Variants in KLB observed in about 807,000 individuals in gnomAD.
The protein encoded by KLB is klotho beta.
Under a neutral mutation model 88.4 loss-of-function variants are expected in KLB, and 44 were observed. The ratio of observed to expected loss-of-function variants is 0.50; its 90% CI spans 0.39 to 0.64. The LOEUF is 0.64. KLB is among the 30% of genes least tolerant of loss of function. The probability of loss-of-function intolerance (pLI) is 0.00; values close to 1 mark genes in which losing one functional copy is unlikely to be tolerated. For synonymous variants in KLB, 548 were observed against 513.4 expected (o/e 1.07, Z -0.91); for missense variants, 1,137 against 1,304.8 (o/e 0.87, Z 1.98).
intron 4 of KLB, among the ~76,000 whole-genome samples, chr4:39,447,791 A>T (rs1395607089): frequency 1.3e-5 from 2 of 152,238 alleles, no homozygotes; most frequent in African/African-American, 4.8e-5. Context: ...AGGCTTTAAA[A>T]AAATGGTTGT....
chr4:39,411,678 C>A (rs1742853193), intron 1 of KLB, among the ~76,000 whole-genome samples: 1 of 151,844 alleles, frequency 6.6e-6, no homozygotes, highest in African/African-American at 2.4e-5. Flanking sequence ...AGCCACTGCT[C>A]CTGGCCCTGG....
chr4:39,439,641 G>A (rs989772032), intron 3 of KLB, among the ~76,000 whole-genome samples: 3 of 149,284 alleles, frequency 2.0e-5, no homozygotes, highest in East Asian at 2.0e-4. Flanking sequence ...ACAGGCACCC[G>A]CCACCATGCC....
At chr4:39,432,760 A>G (rs996435773) in intron 1 of KLB, among the ~76,000 whole-genome samples, 3 of 152,268 alleles carry the variant, frequency 2.0e-5, no homozygotes, top group African/African-American at 7.2e-5. Flanking sequence ...TGGAAATGCA[A>G]ACTCCAGGAG....
chr4:39,448,266 A>G (rs372318615), intron 4 of KLB, 35 bp from the exon 5 acceptor site: 25 of 1,473,476 alleles, frequency 1.7e-5, no homozygotes, highest in South Asian at 5.4e-5. Flanking sequence ...TTCATAGTCC[A>G]TTTGTGATTA....
At chr4:39,424,943 T>C (rs145328064) in intron 1 of KLB, among the ~76,000 whole-genome samples, 19 of 152,304 alleles carry the variant, frequency 1.2e-4, no homozygotes, top group East Asian at 5.8e-4. Flanking sequence ...TGGTGGTTTA[T>C]ATGTTGACTA....
At position 39,450,808 on chromosome 4, in the gene KLB, C is replaced by A. The variant is rs1743875517; in HGVS notation, c.*2122C>A. 6.9e-6 allele frequency: 1 copy of A among 145,374 alleles called. No homozygotes were observed. The highest frequency in any genetic ancestry group is 2.2e-4 in the South Asian group (1 of 4,606). The allele number at this position is 145,374 out of a possible 1,614,324, so 9.0% of individuals were successfully genotyped here. A position where few individuals can be genotyped will look rare whatever the true frequency, so the allele number is the denominator to read the frequency against. ...TGACCCAAGAACTCCAGGGAAAATT[C>A]TTTAATGTCAACTGGGCAACTCATT... On this transcript the variant is annotated 3_prime_UTR_variant, in exon 5 of 5. Coordinates refer to ENST00000257408, the MANE Select transcript of KLB (RefSeq NM_175737.4).
intron 1 of KLB, among the ~76,000 whole-genome samples, chr4:39,431,917 A>G (rs1440293330): frequency 6.6e-6 from 1 of 152,236 alleles, no homozygotes; most frequent in Non-Finnish European, 1.5e-5. Context: ...TGAGCAAAAG[A>G]AAAGCTAAGG....
Position 39,451,343 on chromosome 4 carries a change from A to G in KLB, c.*2657A>G, listed in dbSNP as rs1160551458. On this transcript the variant is annotated 3_prime_UTR_variant, in exon 5 of 5. Coordinates refer to ENST00000257408, the MANE Select transcript of KLB (RefSeq NM_175737.4). Reference sequence around the variant, plus strand: ...CAAACAGGTAAGATCTTTGGAGTTTAAGCTTTTCTGAGATGTGTTGTGAAA... The same window carrying G: ...CAAACAGGTAAGATCTTTGGAGTTTGAGCTTTTCTGAGATGTGTTGTGAAA... The G allele has an allele frequency of 6.6e-6, 1 of 152,242 alleles. No individual in the cohort carries two copies. Among genetic ancestry groups the G allele is most frequent in the Non-Finnish European group, 1.5e-5 (1 of 68,032 alleles). 9.4% of individuals were successfully genotyped at this position (152,242 alleles called of 1,614,324 possible). A position where few individuals can be genotyped will look rare whatever the true frequency, so the allele number is the denominator to read the frequency against.
At chr4:39,409,856 A>G (rs936667292) in intron 1 of KLB, among the ~76,000 whole-genome samples, 1 of 152,026 alleles carries the variant, frequency 6.6e-6, no homozygotes, top group African/African-American at 2.4e-5. Flanking sequence ...CCCGGGAGGC[A>G]GAGGTTACAG....
rs756664741 is a variant in KLB at position 39,448,467 on chromosome 4, T to C, written c.2916T>C (p.Ser972=). Reference sequence around the variant, plus strand: ...GCAGGGGCTTCCCTTTTGAGAACAGTAGTTCTAGATGCAGTCAGACCCAAG... The same window carrying C: ...GCAGGGGCTTCCCTTTTGAGAACAGCAGTTCTAGATGCAGTCAGACCCAAG... ...ISSRGFPFEN[S]SSRCSQTQEN... The change falls in exon 5 of 5, where the codon AGT becomes AGC. Residue 972 remains serine (S), a synonymous_variant. Coordinates refer to ENST00000257408, the MANE Select transcript of KLB (RefSeq NM_175737.4). 1.4e-5 allele frequency: 23 copies of C among 1,613,792 alleles called. No homozygotes were observed. The highest frequency in any genetic ancestry group is 1.1e-5 in the Non-Finnish European group (13 of 1,179,786).
chr4:39,419,108 G>A (rs546180370), intron 1 of KLB, among the ~76,000 whole-genome samples: 3 of 151,772 alleles, frequency 2.0e-5, no homozygotes, highest in South Asian at 2.1e-4. Flanking sequence ...TATAAGAATC[G>A]TGTAAAAAAA....
chr4:39,410,757 CTG>C (rs1299402975), intron 1 of KLB, among the ~76,000 whole-genome samples: 3 of 152,146 alleles, frequency 2.0e-5, no homozygotes, highest in Admixed American at 2.0e-4. Context: ...TAATATAAAA[CTG>C]AATTCTGGGG....
At position 39,446,727 on chromosome 4, in the gene KLB, C is replaced by G. The variant is rs1348453088; in HGVS notation, c.2001C>G (p.Ala667=). ...ACGGGTGGCTGAACCCATCGACGGC[C>G]GAGGCCTTCCAGGCCTACGCTGGGC... ...HADGWLNPST[A]EAFQAYAGLC... Residue 667 remains alanine (A), a synonymous_variant, in exon 4 of 5, where the codon GCC becomes GCG. Coordinates refer to ENST00000257408, the MANE Select transcript of KLB (RefSeq NM_175737.4). The surrounding 1 kb of genome is among the most constrained non-coding windows in gnomAD (Gnocchi z 6.4). 6.2e-7 allele frequency: 1 copy of G among 1,605,676 alleles called. No homozygotes were observed. The highest frequency in any genetic ancestry group is 1.3e-5 in the African/African-American group (1 of 74,830).
chr4:39,419,089 A>G (rs997643433), intron 1 of KLB, among the ~76,000 whole-genome samples: 7 of 152,084 alleles, frequency 4.6e-5, no homozygotes, highest in Admixed American at 2.6e-4. Context: ...CCAGAATACC[A>G]CTGTTAGTTA....
chr4:39,439,914 C>T (rs1439107271), intron 3 of KLB, among the ~76,000 whole-genome samples: 1 of 152,038 alleles, frequency 6.6e-6, no homozygotes, highest in Non-Finnish European at 1.5e-5. Context: ...GTTATCCACC[C>T]ACCCCGGCCT....
rs77052072 is a variant in KLB, at chr4:39,423,252, G to A, written c.826-10958G>A. 9.8e-3 allele frequency among the ~76,000 whole-genome samples: 1,449 copies of A among 148,450 alleles called. 16 individuals are homozygous for A. Among genetic ancestry groups the A allele is most frequent in the Non-Finnish European group, 0.012 (825 of 67,110 alleles). On this transcript the variant is annotated intron_variant, in intron 1 of 4. Transcript: ENST00000257408. ...ACATATAAATGTTACACATAGAAGC[G>A]CTGTGCTAGGCACTTGGACAACTAA...
At chr4:39,439,490 G>C (rs1743549394) in intron 3 of KLB, among the ~76,000 whole-genome samples, 1 of 151,884 alleles carries the variant, frequency 6.6e-6, no homozygotes, top group Non-Finnish European at 1.5e-5. Context: ...TTTTGAGACA[G>C]AGTCTCGCTC....
intron 1 of KLB, among the ~76,000 whole-genome samples, chr4:39,428,428 C>CAA (rs35029761): frequency 5.1e-5 from 7 of 136,236 alleles, no homozygotes; most frequent in African/African-American, 1.4e-4. Flanking sequence ...AACTACGTCT[C>CAA]AAAAAAAAAA....
At position 39,448,705 on chromosome 4, in the gene KLB, T is replaced by TA; in HGVS notation, c.*20dup. 6.3e-7 allele frequency: 1 copy of TA among 1,587,472 alleles called. No homozygotes were observed. Among genetic ancestry groups the TA allele is most frequent in the Non-Finnish European group, 8.5e-7 (1 of 1,171,406 alleles). ...TAGCTAAACTGATCTGTCTGCATGA[T>TA]AGACAGTTTAAAAATTCATCCCAGT... On this transcript the variant is annotated 3_prime_UTR_variant, in exon 5 of 5. Coordinates refer to ENST00000257408, the MANE Select transcript of KLB (RefSeq NM_175737.4).
Sources: allele counts gnomAD v4.1 joint callset (sites outside exome capture counted in the v4.1 genomes callset), GRCh38; gene constraint gnomAD v4.1.1; non-coding constraint Gnocchi (gnomAD v3.1); transcripts MANE v1.5; gene names NCBI Gene and HGNC (gene_info 2026-07-23, HGNC 2026-07-21).